RARS1: variants seen among roughly 807,000 people sequenced by gnomAD.
The protein encoded by RARS1 is arginyl-tRNA synthetase 1.
A neutral mutation model predicts 78.7 loss-of-function variants in RARS1; 75 were observed. That is an observed-to-expected ratio of 0.95 (90% CI 0.79 to 1.15). The LOEUF (loss-of-function observed/expected upper bound fraction) is 1.15. RARS1 is among the 50% of genes most tolerant of loss of function. The probability of loss-of-function intolerance (pLI) is 0.00; values close to 1 mark genes in which losing one functional copy is unlikely to be tolerated. For missense variants in RARS1, 787 were observed against 787.5 expected, an observed-to-expected ratio of 1.00 and a Z score of 0.01; for synonymous variants, 273 against 268.2, an observed-to-expected ratio of 1.02 and a Z score of -0.18.
intron 11 of RARS1, among the ~76,000 whole-genome samples, chr5:168,509,922 G>T (rs1758533440): frequency 6.6e-6 from 1 of 152,060 alleles, no homozygotes; most frequent in African/African-American, 2.4e-5. Context: ...AGTGAGCTGT[G>T]GTCATACTAC....
chr5:168,499,708 T>TAA (rs11345301), intron 7 of RARS1, among the ~76,000 whole-genome samples: 4 of 148,216 alleles, frequency 2.7e-5, no homozygotes, highest in South Asian at 2.2e-4. Context: ...CAAACCACAG[T>TAA]AAAAAAAAAA....
intron 8 of RARS1, 121 bp from the exon 9 acceptor site, chr5:168,501,880 A>G: frequency 7.3e-7 from 1 of 1,377,104 alleles, no homozygotes; most frequent in African/African-American, 1.5e-5. Context: ...TACATTTTTT[A>G]TGTAATTAAT....
chr5:168,509,281 G>A (rs1482344632), intron 11 of RARS1, among the ~76,000 whole-genome samples: 1 of 152,164 alleles, frequency 6.6e-6, no homozygotes, highest in Non-Finnish European at 1.5e-5. Flanking sequence ...TAATAAAGGA[G>A]TTTTAATTCT....
At chr5:168,496,171 G>T (rs1436427992) in intron 6 of RARS1, among the ~76,000 whole-genome samples, 1 of 151,990 alleles carries the variant, frequency 6.6e-6, no homozygotes, top group Non-Finnish European at 1.5e-5. Context: ...CACGAGGTCA[G>T]GAGTTTGAGA....
intron 7 of RARS1, among the ~76,000 whole-genome samples, chr5:168,498,971 C>G (rs1336178383): frequency 1.3e-5 from 2 of 150,312 alleles, no homozygotes; most frequent in Non-Finnish European, 2.9e-5. Flanking sequence ...GAGACCCTAT[C>G]TCAAAAAAAA....
At chr5:168,496,528 G>C (rs1561821055) in intron 6 of RARS1, among the ~76,000 whole-genome samples, 1 of 151,846 alleles carries the variant, frequency 6.6e-6, no homozygotes, top group Non-Finnish European at 1.5e-5. Flanking sequence ...TGTTGCCCAG[G>C]CTGGAGTGCA....
At chr5:168,516,700 C>A in intron 12 of RARS1, 78 bp from the exon 13 acceptor site, 2 of 1,397,848 alleles carry the variant, frequency 1.4e-6, no homozygotes, top group Non-Finnish European at 1.0e-6. Flanking sequence ...GTTCCCTACC[C>A]CAGTCTTATG....
intron 1 of RARS1, chr5:168,488,077 C>T (rs1403551493): frequency 3.5e-6 from 1 of 286,094 alleles, no homozygotes; most frequent in Non-Finnish European, 7.0e-6. Context: ...TATATACTTA[C>T]TCCGATTCCT....
intron 12 of RARS1, among the ~76,000 whole-genome samples, chr5:168,516,082 G>A (rs1307263108): frequency 6.6e-6 from 1 of 152,138 alleles, no homozygotes. Flanking sequence ...AAAGCCAAGT[G>A]ATGATGGACT....
At position 168,486,569 on chromosome 5, in the gene RARS1, A is replaced by T. The variant is rs561611222; in HGVS notation, c.45+26A>T. Reference sequence around the variant, plus strand: ...GTTTGGACGCAGGAGACCGGCGGGAAGGCCTGAAAGAGATGGAGCAGGCTC... The same window carrying T: ...GTTTGGACGCAGGAGACCGGCGGGATGGCCTGAAAGAGATGGAGCAGGCTC... On this transcript the variant is annotated intron_variant, in intron 1 of 14. Coordinates refer to ENST00000231572, the MANE Select transcript of RARS1 (RefSeq NM_002887.4). 1.2e-5 allele frequency: 19 copies of T among 1,552,018 alleles called. No individual in the cohort carries two copies. In the East Asian group the frequency reaches 4.6e-4, roughly 38 times the overall value.
Position 168,506,100 on chromosome 5 carries a change from T to G in RARS1, c.1137T>G (p.Asp379Glu). ...TACCATTAACCATAGTAAAATCAGATGGAGGTTATACCTATGATACATCTG... is the reference window on the plus strand; with the variant it reads ...TACCATTAACCATAGTAAAATCAGAGGGAGGTTATACCTATGATACATCTG... Reference protein sequence around the residue: ...CSIPLTIVKSDGGYTYDTSDL... With the variant: ...CSIPLTIVKSEGGYTYDTSDL... Residue 379 changes from aspartate (D) to glutamate (E), a missense_variant, in exon 10 of 15, where the codon GAT becomes GAG. By Grantham distance (45) the Asp-to-Glu change is conservative. Coordinates refer to ENST00000231572, the MANE Select transcript of RARS1 (RefSeq NM_002887.4). 1.2e-6 allele frequency: 2 copies of G among 1,605,894 alleles called. No individual in the cohort carries two copies. The highest frequency in any genetic ancestry group is 2.2e-5 in the East Asian group (1 of 44,564).
chr5:168,498,155 CAGG>C (rs1758238203), intron 7 of RARS1: 1 of 151,986 alleles, frequency 6.6e-6, no homozygotes, highest in African/African-American at 2.4e-5. Context: ...CGCTTGAGCA[CAGG>C]AGGTCAAGGC....
chr5:168,486,538 C>T lies in RARS1; in HGVS notation c.40C>T (p.Gln14Ter). 1.9e-6 allele frequency: 3 copies of T among 1,557,662 alleles called. No individual in the cohort carries two copies. Among genetic ancestry groups the T allele is most frequent in the Non-Finnish European group, 2.6e-6 (3 of 1,149,804 alleles). Reference sequence around the variant, plus strand: ...GTCTGAGTGCTCCGCGCGGCTGCTGCAGCAGGTTTGGACGCAGGAGACCGG... The same window carrying T: ...GTCTGAGTGCTCCGCGCGGCTGCTGTAGCAGGTTTGGACGCAGGAGACCGG... ...LVSECSARLLQQEEEIKSLTA... is the reference protein window; with the variant it reads ...LVSECSARLL The change falls in exon 1 of 15, where the codon CAG (glutamine) becomes TAG (stop). Residue 14 changes from glutamine to a stop codon, truncating the protein, a stop_gained. Coordinates refer to ENST00000231572, the MANE Select transcript of RARS1 (RefSeq NM_002887.4). LOFTEE classifies it high-confidence loss of function.
chr5:168,504,536 A>G (rs201342061), intron 9 of RARS1, among the ~76,000 whole-genome samples: 5,131 of 142,172 alleles, frequency 0.036, 384 homozygotes, highest in Admixed American at 0.18. Flanking sequence ...AAAAAAAAAG[A>G]AAAAAAAATG....
chr5:168,500,646 G>T lies in RARS1; in HGVS notation c.878G>T (p.Cys293Phe). 1 of 1,610,464 alleles carries T rather than the reference G, an allele frequency of 6.2e-7. No homozygotes were observed. Among genetic ancestry groups the T allele is most frequent in the Non-Finnish European group, 8.5e-7 (1 of 1,178,878 alleles). ...GAATTTAAGAAGCGAGCATATCAGT[G>T]TGTAGTTCTGCTCCAGGGTAAAAAC... ...EEEFKKRAYQ[C>F]VVLLQGKNPD... Residue 293 changes from cysteine to phenylalanine, a missense_variant, in exon 8 of 15, where the codon TGT becomes TTT. Physicochemically the swap from Cys to Phe is radical, Grantham distance 205. Coordinates refer to ENST00000231572, the MANE Select transcript of RARS1 (RefSeq NM_002887.4).
intron 7 of RARS1, among the ~76,000 whole-genome samples, chr5:168,498,490 A>G (rs1031095795): frequency 2.0e-5 from 3 of 152,248 alleles, no homozygotes; most frequent in Admixed American, 2.0e-4. Flanking sequence ...ATCATTTATG[A>G]TTTTAATATA....
At position 168,506,005 on chromosome 5, in the gene RARS1, G is replaced by GT. The variant is rs1278144121; in HGVS notation, c.1058-10dup. Reference sequence around the variant, plus strand: ...GTTCTTTTAACTTTATTAATGAAGTGTTTTTTACCCCCTAGGATTTGTGCA... The same window carrying GT: ...GTTCTTTTAACTTTATTAATGAAGTGTTTTTTTACCCCCTAGGATTTGTGCA... On this transcript the variant is annotated splice_polypyrimidine_tract_variant and intron_variant, in intron 9 of 14. Transcript: ENST00000231572. The GT allele has an allele frequency of 1.3e-6, 2 of 1,582,316 alleles. No homozygotes were observed. The highest frequency in any genetic ancestry group is 2.3e-5 in the East Asian group (1 of 43,718).
chr5:168,504,950 C>T (rs1758407121), intron 9 of RARS1, among the ~76,000 whole-genome samples: 1 of 152,052 alleles, frequency 6.6e-6, no homozygotes, highest in South Asian at 2.1e-4. Context: ...CACACCACTG[C>T]ATGACAGAGA....
At chr5:168,514,054 C>T (rs1353524164) in intron 12 of RARS1, among the ~76,000 whole-genome samples, 1 of 152,182 alleles carries the variant, frequency 6.6e-6, no homozygotes, top group East Asian at 1.9e-4. Context: ...CTTCCAGCTA[C>T]CATAGTTTCC....
Sources: allele counts gnomAD v4.1 joint callset (sites outside exome capture counted in the v4.1 genomes callset), GRCh38; gene constraint gnomAD v4.1.1; transcripts MANE v1.5; gene names NCBI Gene and HGNC (gene_info 2026-07-23, HGNC 2026-07-21).